Variants in DRAM2 observed in about 807,000 individuals in gnomAD.
DRAM2 encodes DNA damage-regulated autophagy modulator protein 2.
DRAM2 carries 26 observed loss-of-function variants against 33.5 expected under a neutral mutation model. The ratio of observed to expected loss-of-function variants is 0.78; its 90% CI spans 0.57 to 1.08. The LOEUF (loss-of-function observed/expected upper bound fraction) is 1.08, where lower values mean the gene tolerates loss of function less well. Ranked by LOEUF, DRAM2 falls within the 50% of genes least tolerant of loss-of-function variation. The probability of loss-of-function intolerance (pLI) is 0.00; values close to 1 mark genes in which losing one functional copy is unlikely to be tolerated. For missense variants in DRAM2, 311 were observed against 318.1 expected, an observed-to-expected ratio of 0.98 and a Z score of 0.17; for synonymous variants, 98 against 109.5, an observed-to-expected ratio of 0.89 and a Z score of 0.66.
At chr1:111,133,231 G>A (rs932757812) in intron 3 of DRAM2, among the ~76,000 whole-genome samples, 1 of 143,670 alleles carries the variant, frequency 7.0e-6, no homozygotes, top group Non-Finnish European at 1.5e-5. Flanking sequence ...AGGCTGGACT[G>A]CAGTGGCACA....
At chr1:111,132,784 T>C (rs1652369110) in intron 3 of DRAM2, among the ~76,000 whole-genome samples, 1 of 151,186 alleles carries the variant, frequency 6.6e-6, no homozygotes, top group Non-Finnish European at 1.5e-5. Flanking sequence ...CTGGCTCAAG[T>C]GATCCTCCCA....
At position 111,119,863 on chromosome 1, in the gene DRAM2, C is replaced by G; in HGVS notation, c.600+14G>C. 1 of 1,605,504 alleles carries G rather than the reference C, an allele frequency of 6.2e-7. No homozygotes were observed. Among genetic ancestry groups the G allele is most frequent in the Non-Finnish European group, 8.5e-7 (1 of 1,172,894 alleles). On this transcript the variant is annotated intron_variant, in intron 8 of 9. Transcript: ENST00000484310. ...TTTAATATAAAACTAAGTTTATAGA[C>G]TGTAAGTTCTTACTTTGTCCTCGGG...
At chr1:111,118,314 G>A (rs755959919) in intron 9 of DRAM2, 47 bp from the exon 10 acceptor site, 7 of 1,311,054 alleles carry the variant, frequency 5.3e-6, no homozygotes, top group Non-Finnish European at 7.6e-6. Context: ...TCCTTAAAGA[G>A]AGATCACTCC....
chr1:111,130,763 G>A (rs939350090), intron 4 of DRAM2, among the ~76,000 whole-genome samples: 37 of 149,656 alleles, frequency 2.5e-4, no homozygotes, highest in Non-Finnish European at 4.6e-4. Flanking sequence ...TTGGGAGGCT[G>A]AGGTGGGCAG....
At chr1:111,127,896 T>C (rs1270035077) in intron 4 of DRAM2, 6 of 152,328 alleles carry the variant, frequency 3.9e-5, no homozygotes, top group African/African-American at 1.4e-4. Context: ...ATATATGTTA[T>C]CATTATTCTG....
rs200318036 is a variant in DRAM2 at position 111,120,381 on chromosome 1, CAAAAAAAAAAAAAAAAAAAAAAAAAA to C, written c.517+109_517+134del. ...ATTGTGAACCTAAGAATCTCTCCTACAAAAAAAAAAAAAAAAAAAAAAAAAAAAAAAAAAAAAAGACAAAAAGGCTT... is the reference window on the plus strand; with the variant it reads ...ATTGTGAACCTAAGAATCTCTCCTACAAAAAAAAAAAAGACAAAAAGGCTT... On this transcript the variant is annotated intron_variant, in intron 7 of 9. Coordinates refer to ENST00000484310, the MANE Select transcript of DRAM2 (RefSeq NM_001349884.2). The C allele has an allele frequency of 3.2e-4, 55 of 173,130 alleles. 1 individual carries two copies. Among genetic ancestry groups the C allele is most frequent in the Non-Finnish European group, 4.2e-4 (45 of 106,878 alleles). The allele number at this position is 173,130 out of a possible 1,614,324, so 10.7% of individuals were successfully genotyped here.
intron 4 of DRAM2, among the ~76,000 whole-genome samples, chr1:111,130,545 A>G (rs1292206603): frequency 1.3e-5 from 2 of 151,986 alleles, no homozygotes; most frequent in Admixed American, 6.6e-5. Flanking sequence ...CTCTACTAAA[A>G]ATACAAAAAT....
intron 4 of DRAM2, among the ~76,000 whole-genome samples, chr1:111,130,441 C>T (rs1183328057): frequency 6.6e-6 from 1 of 152,228 alleles, no homozygotes; most frequent in Non-Finnish European, 1.5e-5. Flanking sequence ...CACAGTGGCT[C>T]ACGCCTGTAA....
chr1:111,131,848 AC>A (rs1398043199), intron 3 of DRAM2, among the ~76,000 whole-genome samples: 2 of 152,104 alleles, frequency 1.3e-5, no homozygotes, highest in African/African-American at 2.4e-5. Context: ...TTTCAAATCT[AC>A]CCTTTTTCTC....
chr1:111,120,933 TATTC>T (rs1311341670), intron 6 of DRAM2, among the ~76,000 whole-genome samples: 1 of 152,136 alleles, frequency 6.6e-6, no homozygotes, highest in Non-Finnish European at 1.5e-5. Flanking sequence ...TAATAGGAAT[TATTC>T]ATTTATTATT....
intron 4 of DRAM2, among the ~76,000 whole-genome samples, chr1:111,130,852 A>T (rs1477262429): frequency 6.6e-6 from 1 of 151,662 alleles, no homozygotes; most frequent in Admixed American, 6.6e-5. Context: ...AAAAAAAAAA[A>T]AGAAATCAGC....
intron 3 of DRAM2, among the ~76,000 whole-genome samples, chr1:111,135,773 T>C (rs1653029368): frequency 6.6e-6 from 1 of 152,210 alleles, no homozygotes; most frequent in Non-Finnish European, 1.5e-5. Context: ...AGTATGAAAA[T>C]TGAGGACGGT....
chr1:111,139,317 G>A (rs1444348845), intron 2 of DRAM2, among the ~76,000 whole-genome samples, 184 bp downstream of exon 2: 6 of 152,166 alleles, frequency 3.9e-5, no homozygotes, highest in African/African-American at 9.7e-5. Flanking sequence ...CTACTTGAAA[G>A]CACGGTTGTG....
At chr1:111,133,339 G>A (rs190031276) in intron 3 of DRAM2, among the ~76,000 whole-genome samples, 115 of 152,062 alleles carry the variant, frequency 7.6e-4, no homozygotes, top group Non-Finnish European at 6.8e-4. Flanking sequence ...CACCACGTCC[G>A]GCTAATCTTT....
At chr1:111,125,017 G>GAAA in intron 5 of DRAM2, 136 bp from the exon 6 acceptor site, 14 of 606,174 alleles carry the variant, frequency 2.3e-5, no homozygotes, top group Middle Eastern at 5.2e-4. Flanking sequence ...AGAATAAAAA[G>GAAA]AAAAAAAAAA....
chr1:111,130,422 G>A lies in DRAM2; in HGVS notation c.131+1002C>T, dbSNP rs1212466859. Among the ~76,000 whole-genome samples, 10 of 152,180 alleles carry A rather than the reference G, an allele frequency of 6.6e-5. No individual in the cohort carries two copies. In the East Asian group the frequency reaches 1.9e-3, roughly 29 times the overall value. On this transcript the variant is annotated intron_variant, in intron 4 of 9. Transcript: ENST00000484310. ...GAATGCTTAGTAAATTACTTTCTAC[G>A]AGGCTGGGCACAGTGGCTCACGCCT...
intron 4 of DRAM2, among the ~76,000 whole-genome samples, chr1:111,129,575 T>C (rs984366226): frequency 1.3e-5 from 2 of 152,192 alleles, no homozygotes; most frequent in African/African-American, 4.8e-5. Flanking sequence ...CATAAACTGA[T>C]GCAACAATTC....
intron 4 of DRAM2, among the ~76,000 whole-genome samples, chr1:111,127,316 G>C (rs761499807): frequency 2.6e-5 from 4 of 151,970 alleles, no homozygotes; most frequent in African/African-American, 9.7e-5. Flanking sequence ...AATGCATGGG[G>C]ATAAAAAAGA....
Position 111,118,819 on chromosome 1 carries a change from TG to T in DRAM2, c.678del (p.Tyr226Ter). The T allele has an allele frequency of 6.2e-7, 1 of 1,607,702 alleles. No individual in the cohort carries two copies. The highest frequency in any genetic ancestry group is 8.5e-7 in the Non-Finnish European group (1 of 1,176,126). ...SFSFFGFFLT[Y>X]IRDFQKISLR... The stretch of plus-strand genomic sequence containing the variant: ...TGCCTTCTTACCTGAAAATCACGAA[TG>T]TAAGTCAGGAAAAAACCAAAGAAGG... On this transcript the variant is annotated frameshift_variant, in exon 9 of 10. Coordinates refer to ENST00000484310, the MANE Select transcript of DRAM2 (RefSeq NM_001349884.2). LOFTEE classifies it high-confidence loss of function.
Sources: allele counts gnomAD v4.1 joint callset (sites outside exome capture counted in the v4.1 genomes callset), GRCh38; gene constraint gnomAD v4.1.1; transcripts MANE v1.5; gene names NCBI Gene and HGNC (gene_info 2026-07-23, HGNC 2026-07-21).